Variants in KCNK2 observed in about 807,000 individuals in gnomAD.
KCNK2 encodes potassium two pore domain channel subfamily K member 2.
A neutral mutation model predicts 40.5 loss-of-function variants in KCNK2; 21 were observed. The observed-to-expected ratio is 0.52, with a 90% CI of 0.37 to 0.75. KCNK2 has a LOEUF of 0.75. Among genes scored for constraint, KCNK2 ranks in the 30% least tolerant of loss-of-function variants. The pLI, the probability that KCNK2 is intolerant of heterozygous loss-of-function variation, is 0.00. For synonymous variants in KCNK2, 191 were observed against 202.2 expected, an observed-to-expected ratio of 0.94 and a Z score of 0.47; for missense variants, 399 against 531.6, an observed-to-expected ratio of 0.75 and a Z score of 2.45.
chr1:215,137,197 A>G (rs1661960880), intron 3 of KCNK2, among the ~76,000 whole-genome samples: 1 of 152,230 alleles, frequency 6.6e-6, no homozygotes, highest in Non-Finnish European at 1.5e-5. Flanking sequence ...TAGCATTTAG[A>G]GTATTGTACC....
intron 1 of KCNK2, among the ~76,000 whole-genome samples, chr1:215,018,072 C>T (rs539169076): frequency 6.6e-6 from 1 of 152,164 alleles, no homozygotes; most frequent in South Asian, 2.1e-4. Context: ...CAATTGAGAA[C>T]ATATATAATA....
Position 215,083,397 on chromosome 1 carries a change from C to A in KCNK2, c.12C>A (p.Ser4Arg), listed in dbSNP as rs763863451. 6.2e-7 allele frequency: 1 copy of A among 1,614,062 alleles called. No individual in the cohort carries two copies. The highest frequency in any genetic ancestry group is 8.5e-7 in the Non-Finnish European group (1 of 1,179,974). ...ATGCTGCATGCCTCATGCTTCCCAG[C>A]GCCTCGCGGGAGAGACCCGGCTATA... is the stretch of plus-strand genomic sequence containing the variant. MLP[S>R]ASRERPGYRA... is the part of the protein sequence containing the mutation. The change falls in exon 1 of 7, where the codon AGC becomes AGA. Residue 4 changes from serine (S) to arginine (R), a missense_variant. Transcript: ENST00000444842.
At chr1:215,039,103 TA>T (rs1364077414) in intron 1 of KCNK2, among the ~76,000 whole-genome samples, 2 of 152,150 alleles carry the variant, frequency 1.3e-5, no homozygotes, top group Non-Finnish European at 2.9e-5. Flanking sequence ...AATCAGATAG[TA>T]ATTATTCATT....
chr1:215,007,086 T>C (rs1343621159), intron 1 of KCNK2, among the ~76,000 whole-genome samples: 1 of 129,024 alleles, frequency 7.8e-6, no homozygotes, highest in Non-Finnish European at 1.6e-5. Context: ...TATATATGTG[T>C]GTATATATAT....
chr1:215,197,378 C>T (rs540730364), intron 6 of KCNK2, among the ~76,000 whole-genome samples: 1 of 152,260 alleles, frequency 6.6e-6, no homozygotes, highest in African/African-American at 2.4e-5. Context: ...TCTGGTGAGG[C>T]CTCTCTGCTA....
At chr1:215,141,477 A>G (rs1662171735) in intron 3 of KCNK2, among the ~76,000 whole-genome samples, 1 of 152,140 alleles carries the variant, frequency 6.6e-6, no homozygotes, top group African/African-American at 2.4e-5. Context: ...TATGTGGTCT[A>G]TCTGTGACCA....
intron 6 of KCNK2, among the ~76,000 whole-genome samples, chr1:215,208,797 T>G (rs1217535869): frequency 6.6e-6 from 1 of 152,102 alleles, no homozygotes; most frequent in Non-Finnish European, 1.5e-5. Flanking sequence ...GTTTGTAATA[T>G]GTCAGTGGCC....
chr1:215,075,486 C>T (rs1481025887), intron 1 of KCNK2, among the ~76,000 whole-genome samples: 1 of 152,148 alleles, frequency 6.6e-6, no homozygotes, highest in African/African-American at 2.4e-5. Context: ...ATGTTTACTC[C>T]ATGATGACGA....
At chr1:215,143,464 C>T (rs1662276103) in intron 3 of KCNK2, among the ~76,000 whole-genome samples, 1 of 152,112 alleles carries the variant, frequency 6.6e-6, no homozygotes, top group Non-Finnish European at 1.5e-5. Context: ...TCTTGTGTAA[C>T]AGTATTTAGC....
intron 1 of KCNK2, among the ~76,000 whole-genome samples, chr1:215,025,591 A>T (rs1194159774): frequency 1.3e-5 from 2 of 151,902 alleles, no homozygotes; most frequent in Non-Finnish European, 2.9e-5. Context: ...GTGCATACAT[A>T]TACACATATA....
intron 5 of KCNK2, among the ~76,000 whole-genome samples, chr1:215,187,449 A>G (rs756004885): frequency 4.7e-4 from 71 of 152,086 alleles, no homozygotes; most frequent in Admixed American, 7.9e-4. Flanking sequence ...CTCTTTCTTT[A>G]TTAAAATCTA....
rs140447568 is a variant in KCNK2, at chr1:215,126,883, T to C, written c.475+2133T>C. Among the ~76,000 whole-genome samples, 470 of 152,276 alleles carry C rather than the reference T, an allele frequency of 3.1e-3. 5 individuals carry two copies. The highest frequency in any genetic ancestry group is 0.011 in the African/African-American group (452 of 41,546). ...ACCCACATGAGGACTTTTTACTGCA[T>C]GGTCTTTTACTCTTGAGGTCAACAC... On this transcript the variant is annotated intron_variant, in intron 3 of 6. Transcript: ENST00000444842.
chr1:215,068,946 G>A (rs1028941897), intron 1 of KCNK2, among the ~76,000 whole-genome samples: 1 of 152,086 alleles, frequency 6.6e-6, no homozygotes, highest in Non-Finnish European at 1.5e-5. Flanking sequence ...TTTTATCAGT[G>A]TCCAGAAAAC....
intron 2 of KCNK2, among the ~76,000 whole-genome samples, chr1:215,102,769 T>C (rs1012723040): frequency 1.3e-5 from 2 of 152,002 alleles, no homozygotes; most frequent in Non-Finnish European, 2.9e-5. Flanking sequence ...TATAATTACC[T>C]ACAGTATTCA....
chr1:215,164,524 A>G (rs1199708404), intron 3 of KCNK2, among the ~76,000 whole-genome samples: 1 of 151,926 alleles, frequency 6.6e-6, no homozygotes, highest in African/African-American at 2.4e-5. Context: ...TTGATTTTAG[A>G]TCTTTCCCAC....
chr1:215,010,860 T>TGTG (rs1553254938), intron 1 of KCNK2, among the ~76,000 whole-genome samples: 2,028 of 116,022 alleles, frequency 0.017, 57 homozygotes, highest in African/African-American at 0.067. Flanking sequence ...GATTTTTTTT[T>TGTG]TTTTTTTTTG....
intron 1 of KCNK2, among the ~76,000 whole-genome samples, chr1:215,055,465 A>G (rs1658127076): frequency 2.0e-5 from 3 of 152,236 alleles, no homozygotes; most frequent in South Asian, 4.1e-4. Context: ...CTTCAAGTAC[A>G]TTTACATTCT....
intron 2 of KCNK2, among the ~76,000 whole-genome samples, chr1:215,103,975 A>G (rs1332233727): frequency 6.6e-6 from 1 of 152,080 alleles, no homozygotes; most frequent in Non-Finnish European, 1.5e-5. Context: ...AATCTTATAT[A>G]TAGGCCAAAC....
chr1:215,012,095 C>G (rs929811291), intron 1 of KCNK2, among the ~76,000 whole-genome samples: 51 of 152,240 alleles, frequency 3.3e-4, no homozygotes, highest in African/African-American at 1.2e-3. Context: ...TGATTAGGAA[C>G]AATGCTGCTC....
Sources: gnomAD v4.1 joint callset for allele counts (sites outside exome capture counted in the v4.1 genomes callset) on GRCh38, gnomAD v4.1.1 for gene constraint, MANE v1.5 for transcripts, NCBI Gene and HGNC (gene_info 2026-07-23, HGNC 2026-07-21) for gene names.